The following CHCHD3 variants were observed in gnomAD, a reference collection of about 807,000 sequenced individuals.
CHCHD3 encodes MICOS complex subunit MIC19.
In CHCHD3, 20 loss-of-function variants were observed where a neutral mutation model predicts 38.2. The ratio of observed to expected loss-of-function variants is 0.52; its 90% CI spans 0.37 to 0.76. The LOEUF (loss-of-function observed/expected upper bound fraction) is 0.76, where lower values mean the gene tolerates loss of function less well. Among genes scored for constraint, CHCHD3 ranks in the 30% least tolerant of loss-of-function variants. The pLI is 0.00. For synonymous variants in CHCHD3, 82 were observed against 100.0 expected (o/e 0.82, Z 1.07); for missense variants, 245 against 279.2 (o/e 0.88, Z 0.87).
At position 132,796,575 on chromosome 7, in the gene CHCHD3, C is replaced by T. The variant is rs114154515; in HGVS notation, c.527G>A (p.Arg176Gln). 4.1e-4 allele frequency: 661 copies of T among 1,613,522 alleles called. 3 individuals carry two copies. In the African/African-American group the frequency reaches 7.4e-3, roughly 18 times the overall value. The part of the protein sequence containing the change: ...AAEEVEAKFK[R>Q]YESHPVCADL... The stretch of plus-strand genomic sequence containing the variant: ...AGCACAGACTGGATGAGACTCATAT[C>T]GCCTGAAAACAAACACAGGGACCGC... The change falls in exon 7 of 8, where the codon CGA (arginine) becomes CAA (glutamine). Residue 176 changes from arginine to glutamine, a missense_variant and splice_region_variant. Transcript: ENST00000262570.
chr7:132,821,269 C>T (rs1465220538), intron 6 of CHCHD3, among the ~76,000 whole-genome samples: 3 of 152,078 alleles, frequency 2.0e-5, no homozygotes, highest in African/African-American at 7.2e-5. Flanking sequence ...CATAAATGGA[C>T]CTCATTTAAT....
intron 3 of CHCHD3, among the ~76,000 whole-genome samples, chr7:132,997,225 A>C (rs1178094868): frequency 6.6e-6 from 1 of 152,210 alleles, no homozygotes; most frequent in Non-Finnish European, 1.5e-5. Flanking sequence ...GTAGGTGTTC[A>C]AGATGAGCCC....
chr7:132,892,082 C>T (rs1280635077), intron 4 of CHCHD3, among the ~76,000 whole-genome samples: 3 of 152,090 alleles, frequency 2.0e-5, no homozygotes, highest in Non-Finnish European at 4.4e-5. Flanking sequence ...TAGTGGGGCA[C>T]TGCTATAAAG....
intron 4 of CHCHD3, among the ~76,000 whole-genome samples, chr7:132,934,011 T>C (rs1810577473): frequency 6.6e-6 from 1 of 152,224 alleles, no homozygotes; most frequent in Non-Finnish European, 1.5e-5. Context: ...CTGGGGCACC[T>C]GATGATTTCC....
At chr7:133,019,716 G>GAA (rs781145611) in intron 3 of CHCHD3, among the ~76,000 whole-genome samples, 3 of 150,624 alleles carry the variant, frequency 2.0e-5, no homozygotes, top group Non-Finnish European at 4.4e-5. Context: ...TTGGTTTCTT[G>GAA]AAAAAAAAAT....
chr7:132,955,531 T>G (rs974494041), intron 4 of CHCHD3, among the ~76,000 whole-genome samples: 8 of 150,822 alleles, frequency 5.3e-5, no homozygotes, highest in Non-Finnish European at 8.9e-5. Flanking sequence ...GTTTGTTTTT[T>G]GGGGTTTTTT....
Position 133,035,274 on chromosome 7 carries a change from A to G in CHCHD3, c.170-10647T>C. ...GGTCTCTGCAAACTTTTTAGCATCAAACTGGGCCATCTTCTCACACAGTTT... is the reference window on the plus strand; with the variant it reads ...GGTCTCTGCAAACTTTTTAGCATCAGACTGGGCCATCTTCTCACACAGTTT... On this transcript the variant is annotated intron_variant, in intron 2 of 7. Coordinates refer to ENST00000262570, the MANE Select transcript of CHCHD3 (RefSeq NM_017812.4). The surrounding 1 kb of genome is among the most constrained non-coding windows in gnomAD (Gnocchi z 4.7). The G allele has an allele frequency of 1.9e-6, 3 of 1,613,138 alleles. No homozygotes were observed. Among genetic ancestry groups the G allele is most frequent in the Non-Finnish European group, 2.5e-6 (3 of 1,179,214 alleles).
At chr7:132,964,725 A>G (rs1432604177) in intron 4 of CHCHD3, among the ~76,000 whole-genome samples, 1 of 152,238 alleles carries the variant, frequency 6.6e-6, no homozygotes, top group Non-Finnish European at 1.5e-5. Context: ...AACTTTCTTT[A>G]AATAAGAAAA....
chr7:132,970,571 AT>A (rs1322604905), intron 4 of CHCHD3, among the ~76,000 whole-genome samples: 2 of 152,288 alleles, frequency 1.3e-5, no homozygotes, highest in Non-Finnish European at 2.9e-5. Flanking sequence ...TTTAAACATT[AT>A]TTTTAGTGTA....
intron 3 of CHCHD3, among the ~76,000 whole-genome samples, chr7:132,997,435 A>G (rs1219773215): frequency 6.6e-6 from 1 of 152,150 alleles, no homozygotes; most frequent in African/African-American, 2.4e-5. Flanking sequence ...CATAAGCTAT[A>G]TTACTGTCAC....
At chr7:133,036,244 G>A (rs1009988022) in intron 2 of CHCHD3, among the ~76,000 whole-genome samples, 2 of 152,078 alleles carry the variant, frequency 1.3e-5, no homozygotes, top group African/African-American at 4.8e-5. Context: ...TTTACTGCAT[G>A]TTTTAACACT....
At chr7:133,045,484 A>G (rs2117489084) in intron 2 of CHCHD3, among the ~76,000 whole-genome samples, 1 of 152,344 alleles carries the variant, frequency 6.6e-6, no homozygotes, top group East Asian at 1.9e-4. Context: ...GCTGAAATAT[A>G]GAAGGCAAAG....
intron 5 of CHCHD3, among the ~76,000 whole-genome samples, chr7:132,876,499 T>A (rs928522892): frequency 6.6e-6 from 1 of 152,198 alleles, no homozygotes. Context: ...TTTAAAACCA[T>A]CAGGGTAAAC....
chr7:132,853,395 C>T (rs1386696894), intron 5 of CHCHD3, among the ~76,000 whole-genome samples: 1 of 152,056 alleles, frequency 6.6e-6, no homozygotes, highest in African/African-American at 2.4e-5. Context: ...CCAAGGTGGG[C>T]AGATCACCTG....
intron 4 of CHCHD3, chr7:132,973,126 A>C (rs867480744): frequency 2.0e-6 from 2 of 985,402 alleles, no homozygotes; most frequent in East Asian, 2.3e-4. Context: ...TGGTCTCCAT[A>C]AACTAAGAGA....
At chr7:132,986,751 A>T (rs993181796) in intron 3 of CHCHD3, among the ~76,000 whole-genome samples, 2 of 152,248 alleles carry the variant, frequency 1.3e-5, no homozygotes, top group African/African-American at 4.8e-5. Context: ...CTACTCTAGA[A>T]AATAAATGGC....
chr7:133,043,429 G>A (rs1212415976), intron 2 of CHCHD3, among the ~76,000 whole-genome samples: 1 of 152,046 alleles, frequency 6.6e-6, no homozygotes, highest in Non-Finnish European at 1.5e-5. Context: ...ATTACCTGAC[G>A]TCAGGAGTCT....
At chr7:132,914,158 G>GTA (rs1215040145) in intron 4 of CHCHD3, among the ~76,000 whole-genome samples, 1 of 148,978 alleles carries the variant, frequency 6.7e-6, no homozygotes, top group Non-Finnish European at 1.5e-5. Context: ...GTGTGTGTGT[G>GTA]TGTGTGTGTT....
chr7:132,945,901 T>G (rs1248089936), intron 4 of CHCHD3, among the ~76,000 whole-genome samples: 3 of 151,690 alleles, frequency 2.0e-5, no homozygotes, highest in African/African-American at 4.8e-5. Flanking sequence ...CTCATGAACA[T>G]GAGAAATTCT....
Sources: allele counts gnomAD v4.1 joint callset (sites outside exome capture counted in the v4.1 genomes callset), GRCh38; gene constraint gnomAD v4.1.1; non-coding constraint Gnocchi (gnomAD v3.1); transcripts MANE v1.5; gene names NCBI Gene and HGNC (gene_info 2026-07-23, HGNC 2026-07-21).